The following ADGRV1 variants were observed in gnomAD, a reference collection of about 807,000 sequenced individuals.
ADGRV1 encodes the protein G-protein coupled receptor 98.
Under a neutral mutation model 596.2 loss-of-function variants are expected in ADGRV1, and 359 were observed. The ratio of observed to expected loss-of-function variants is 0.60; its 90% CI spans 0.55 to 0.66. The LOEUF (loss-of-function observed/expected upper bound fraction) is 0.66. Ranked by LOEUF, ADGRV1 falls within the 30% of genes least tolerant of loss-of-function variation. The pLI, the probability that ADGRV1 is intolerant of heterozygous loss-of-function variation, is 0.00. For synonymous variants in ADGRV1, 2,681 were observed against 2,679.2 expected, an observed-to-expected ratio of 1.00 and a Z score of -0.02; for missense variants, 7,274 against 7,575.6, an observed-to-expected ratio of 0.96 and a Z score of 1.48.
At chr5:90,916,166 ATT>A (rs36015459) in intron 83 of ADGRV1, among the ~76,000 whole-genome samples, 5 of 148,614 alleles carry the variant, frequency 3.4e-5, no homozygotes, top group South Asian at 4.3e-4. Flanking sequence ...GTTTTTATGG[ATT>A]TTTTTTTTTC....
At chr5:90,962,693 T>C (rs1778135416) in intron 83 of ADGRV1, among the ~76,000 whole-genome samples, 1 of 152,222 alleles carries the variant, frequency 6.6e-6, no homozygotes, top group Non-Finnish European at 1.5e-5. Flanking sequence ...CAGCTCAGCC[T>C]CCTCTTGCTG....
intron 1 of ADGRV1, among the ~76,000 whole-genome samples, chr5:90,613,147 C>T (rs934267662): frequency 6.6e-6 from 1 of 152,076 alleles, no homozygotes; most frequent in African/African-American, 2.4e-5. Context: ...TCTTATTTCT[C>T]TCAGTTCATG....
intron 87 of ADGRV1, among the ~76,000 whole-genome samples, chr5:91,120,984 G>A (rs906282674): frequency 6.6e-6 from 1 of 152,110 alleles, no homozygotes; most frequent in Admixed American, 6.6e-5. Flanking sequence ...GACCAGCCTG[G>A]CCAACATGGT....
chr5:90,636,211 C>T (rs1766190472), intron 10 of ADGRV1, among the ~76,000 whole-genome samples: 1 of 151,964 alleles, frequency 6.6e-6, no homozygotes, highest in East Asian at 1.9e-4. Flanking sequence ...ATGGCTCTTC[C>T]TTCAGCCTTA....
At chr5:91,090,691 G>A (rs2126575405) in intron 86 of ADGRV1, among the ~76,000 whole-genome samples, 1 of 151,982 alleles carries the variant, frequency 6.6e-6, no homozygotes, top group African/African-American at 2.4e-5. Flanking sequence ...ATCAGTAAGG[G>A]TCAGGGTAAA....
intron 85 of ADGRV1, among the ~76,000 whole-genome samples, chr5:90,994,981 T>C (rs910102255): frequency 2.0e-5 from 3 of 152,178 alleles, no homozygotes; most frequent in Non-Finnish European, 4.4e-5. Context: ...ACCCTCAAAG[T>C]CAACCAGTGG....
chr5:90,967,461 T>C (rs1004297522), intron 84 of ADGRV1, among the ~76,000 whole-genome samples: 21 of 152,184 alleles, frequency 1.4e-4, no homozygotes, highest in Admixed American at 1.2e-3. Flanking sequence ...ATTTGCGAGA[T>C]TTTCTGATTG....
intron 87 of ADGRV1, among the ~76,000 whole-genome samples, chr5:91,141,360 A>G (rs1286196450): frequency 1.3e-5 from 2 of 152,242 alleles, no homozygotes; most frequent in Admixed American, 1.3e-4. Flanking sequence ...AATTACTTAA[A>G]CCATGCAAAT....
In ADGRV1 at chr5:90,647,485, G is replaced by T; in HGVS notation, c.3023-13G>T. 1.9e-6 allele frequency: 3 copies of T among 1,594,362 alleles called. 1 individual carries two copies. Among genetic ancestry groups the T allele is most frequent in the South Asian group, 1.1e-5 (1 of 88,046 alleles). ...AGAAAAGCTCATGTGTTCTTTCTTT[G>T]TGGATATTTCAGAACCTCGTGTAGT... On this transcript the variant is annotated splice_polypyrimidine_tract_variant and intron_variant, in intron 16 of 89. Coordinates refer to ENST00000405460, the MANE Select transcript of ADGRV1 (RefSeq NM_032119.4).
intron 22 of ADGRV1, among the ~76,000 whole-genome samples, chr5:90,673,681 C>T (rs1772822252): frequency 6.6e-6 from 1 of 152,148 alleles, no homozygotes; most frequent in African/African-American, 2.4e-5. Context: ...ACTCCCTCAA[C>T]ACTAATTCCA....
At chr5:90,846,210 G>C (rs904422708) in intron 78 of ADGRV1, among the ~76,000 whole-genome samples, 1 of 150,788 alleles carries the variant, frequency 6.6e-6, no homozygotes, top group Non-Finnish European at 1.5e-5. Flanking sequence ...TTGGTAGATG[G>C]GGCATAGTGT....
At chr5:90,646,940 AT>A (rs1223434084) in intron 16 of ADGRV1, among the ~76,000 whole-genome samples, 1 of 151,742 alleles carries the variant, frequency 6.6e-6, no homozygotes, top group East Asian at 1.9e-4. Context: ...CGCCCAGCTA[AT>A]TTTTGTATTT....
At chr5:90,749,982 A>G (rs925516173) in intron 52 of ADGRV1, among the ~76,000 whole-genome samples, 3 of 152,212 alleles carry the variant, frequency 2.0e-5, no homozygotes, top group African/African-American at 7.2e-5. Flanking sequence ...CCACAGAAAC[A>G]TTTCCGAGGA....
At chr5:90,667,405 G>A (rs1347990107) in intron 21 of ADGRV1, among the ~76,000 whole-genome samples, 1 of 146,568 alleles carries the variant, frequency 6.8e-6, no homozygotes, top group Non-Finnish European at 1.5e-5. Flanking sequence ...GATTGCATCA[G>A]CTCCTGAGGC....
chr5:90,917,261 A>G (rs1773468615), intron 83 of ADGRV1, among the ~76,000 whole-genome samples: 1 of 152,128 alleles, frequency 6.6e-6, no homozygotes. Flanking sequence ...AAAGAAGGGG[A>G]AAATGCCACA....
intron 59 of ADGRV1, among the ~76,000 whole-genome samples, chr5:90,765,302 G>A (rs1287471964): frequency 6.6e-6 from 1 of 152,086 alleles, no homozygotes; most frequent in Non-Finnish European, 1.5e-5. Context: ...ACCCTGTGTG[G>A]CCACACCTCG....
At chr5:90,980,334 A>G (rs1178348700) in intron 84 of ADGRV1, among the ~76,000 whole-genome samples, 2 of 152,174 alleles carry the variant, frequency 1.3e-5, no homozygotes, top group East Asian at 1.9e-4. Flanking sequence ...AATGCTGAAA[A>G]TATTTTGGAA....
chr5:90,907,109 GTTA>G (rs1317655835), intron 83 of ADGRV1, among the ~76,000 whole-genome samples: 1 of 152,048 alleles, frequency 6.6e-6, no homozygotes, highest in Non-Finnish European at 1.5e-5. Context: ...CCACATATTT[GTTA>G]TTATGGGCAT....
rs371044730 is a variant in ADGRV1, at chr5:91,123,253, A to G, written c.18432+20913A>G. On this transcript the variant is annotated intron_variant, in intron 87 of 89. Coordinates refer to ENST00000405460, the MANE Select transcript of ADGRV1 (RefSeq NM_032119.4). ...AAATACCCAGTAACTGTTCATTATT[A>G]TGTTATTATTCTGTCTTAGTCCATT... 2.6e-5 allele frequency among the ~76,000 whole-genome samples: 4 copies of G among 152,214 alleles called. No individual in the cohort carries two copies. In the South Asian group the frequency reaches 6.2e-4, roughly 24 times the overall value.
Sources: allele counts gnomAD v4.1 joint callset (sites outside exome capture counted in the v4.1 genomes callset), GRCh38; gene constraint gnomAD v4.1.1; transcripts MANE v1.5; gene names NCBI Gene and HGNC (gene_info 2026-07-23, HGNC 2026-07-21).